Variants in SMAP1 observed in about 807,000 individuals in gnomAD.
The protein encoded by SMAP1 is small ArfGAP 1.
SMAP1 carries 24 observed loss-of-function variants against 58.5 expected under a neutral mutation model. The ratio of observed to expected loss-of-function variants is 0.41; its 90% CI spans 0.30 to 0.58. SMAP1 has a LOEUF of 0.58. Among genes scored for constraint, SMAP1 ranks in the 20% least tolerant of loss-of-function variants. SMAP1 has a pLI of 0.29. For missense variants in SMAP1, 563 were observed against 566.3 expected, an observed-to-expected ratio of 0.99 and a Z score of 0.06; for synonymous variants, 216 against 196.6, an observed-to-expected ratio of 1.10 and a Z score of -0.82.
intron 6 of SMAP1, among the ~76,000 whole-genome samples, chr6:70,811,815 G>C (rs899394647): frequency 6.6e-6 from 1 of 152,098 alleles, no homozygotes; most frequent in African/African-American, 2.4e-5. Context: ...TGGAAATGGA[G>C]GGCCAACTGT....
At chr6:70,791,054 G>A (rs1436740252) in intron 4 of SMAP1, among the ~76,000 whole-genome samples, 1 of 152,134 alleles carries the variant, frequency 6.6e-6, no homozygotes, top group Non-Finnish European at 1.5e-5. Context: ...ATGCTTTGGG[G>A]TAATTCAGCA....
At chr6:70,692,625 T>C (rs1767218921) in intron 1 of SMAP1, among the ~76,000 whole-genome samples, 2 of 152,258 alleles carry the variant, frequency 1.3e-5, no homozygotes, top group Non-Finnish European at 2.9e-5. Context: ...AGTTTTATTC[T>C]TCTGCATATT....
At chr6:70,739,411 T>C (rs1463818207) in intron 2 of SMAP1, among the ~76,000 whole-genome samples, 1 of 152,180 alleles carries the variant, frequency 6.6e-6, no homozygotes, top group Non-Finnish European at 1.5e-5. Flanking sequence ...CACTTTATCT[T>C]TTGTTGCACA....
intron 2 of SMAP1, among the ~76,000 whole-genome samples, chr6:70,740,358 G>A (rs534205861): frequency 2.9e-4 from 44 of 151,498 alleles, no homozygotes; most frequent in South Asian, 1.3e-3. Context: ...TCAGGAGTTC[G>A]AACCAGCCTG....
chr6:70,825,901 T>C (rs1770094299), intron 6 of SMAP1, among the ~76,000 whole-genome samples: 1 of 152,216 alleles, frequency 6.6e-6, no homozygotes, highest in Non-Finnish European at 1.5e-5. Context: ...AACTTCTATT[T>C]TCTAACTCCA....
At chr6:70,704,919 G>A (rs1267020169) in intron 1 of SMAP1, among the ~76,000 whole-genome samples, 2 of 152,102 alleles carry the variant, frequency 1.3e-5, no homozygotes, top group Non-Finnish European at 2.9e-5. Flanking sequence ...GCTGAAAGGG[G>A]CTATTAATTG....
At chr6:70,760,531 T>C (rs1295474070) in intron 3 of SMAP1, among the ~76,000 whole-genome samples, 2 of 152,058 alleles carry the variant, frequency 1.3e-5, no homozygotes, top group Non-Finnish European at 2.9e-5. Flanking sequence ...AACAATACTT[T>C]TTATTCTTTT....
chr6:70,828,011 T>C (rs529389343), intron 6 of SMAP1, among the ~76,000 whole-genome samples: 28 of 152,258 alleles, frequency 1.8e-4, no homozygotes, highest in South Asian at 1.7e-3. Flanking sequence ...AAATAAGATA[T>C]TGGGAATAAA....
intron 1 of SMAP1, among the ~76,000 whole-genome samples, chr6:70,688,865 G>A (rs1016678553): frequency 6.6e-6 from 1 of 151,910 alleles, no homozygotes; most frequent in Non-Finnish European, 1.5e-5. Flanking sequence ...AGATCCTGAA[G>A]ATTTTCTCAT....
At chr6:70,785,418 C>A (rs548607644) in intron 4 of SMAP1, among the ~76,000 whole-genome samples, 2 of 152,114 alleles carry the variant, frequency 1.3e-5, no homozygotes, top group Non-Finnish European at 2.9e-5. Flanking sequence ...CAAACACATT[C>A]AAAAGCTAGC....
At chr6:70,787,016 A>T (rs1582184935) in intron 4 of SMAP1, among the ~76,000 whole-genome samples, 1 of 152,172 alleles carries the variant, frequency 6.6e-6, no homozygotes, top group South Asian at 2.1e-4. Context: ...AAAAGAACAA[A>T]GCTGGAGGCA....
At chr6:70,759,291 A>T (rs1766649413) in intron 3 of SMAP1, among the ~76,000 whole-genome samples, 1 of 151,970 alleles carries the variant, frequency 6.6e-6, no homozygotes, top group South Asian at 2.1e-4. Flanking sequence ...CCCACTCACT[A>T]GGCTGAGTTG....
rs534918709 is a variant in SMAP1 at position 70,711,748 on chromosome 6, G to A, written c.119-20630G>A. Among the ~76,000 whole-genome samples the A allele has an allele frequency of 1.9e-4, 29 of 152,060 alleles. No individual in the cohort carries two copies. The South Asian group carries it at 5.4e-3, about 28-fold the overall frequency. On this transcript the variant is annotated intron_variant, in intron 1 of 10. Transcript: ENST00000370455. ...TCACTATGTTGGCCAGGCTGGTCTC[G>A]AACTCCTGACCTCAGGTGATCCACC... is the stretch of plus-strand genomic sequence containing the variant.
rs141108735 is a variant in SMAP1, at chr6:70,697,850, A to G, written c.118+29709A>G. 8.1e-3 allele frequency among the ~76,000 whole-genome samples: 1,235 copies of G among 152,198 alleles called. 15 individuals carry two copies. The highest frequency in any genetic ancestry group is 0.028 in the African/African-American group (1,180 of 41,526). On this transcript the variant is annotated intron_variant, in intron 1 of 10. Coordinates refer to ENST00000370455, the MANE Select transcript of SMAP1 (RefSeq NM_001044305.3). Reference sequence around the variant, plus strand: ...CACTTCTTAACTTTTGGTTATTTCTATCTTATTGTATTGTGTCTTGAAAAG... The same window carrying G: ...CACTTCTTAACTTTTGGTTATTTCTGTCTTATTGTATTGTGTCTTGAAAAG...
At position 70,798,705 on chromosome 6, in the gene SMAP1, GA is replaced by G; in HGVS notation, c.548del (p.Lys183SerfsTer37). On this transcript the variant is annotated frameshift_variant, in exon 6 of 11. Transcript: ENST00000370455. LOFTEE classifies it high-confidence loss of function. Reference protein sequence around the residue: ...KEEKKREKEPEKPAKPLTAEK... With the variant: ...KEEKKREKEPXKPAKPLTAEK... Reference sequence around the variant, plus strand: ...AGAGAAAAAGAGAGAAAAGGAGCCAGAAAAGCCGGCAAAACCACTTACAGCT... The same window carrying G: ...AGAGAAAAAGAGAGAAAAGGAGCCAGAAAGCCGGCAAAACCACTTACAGCT... The G allele has an allele frequency of 1.9e-6, 3 of 1,560,492 alleles. No homozygotes were observed. Among genetic ancestry groups the G allele is most frequent in the Non-Finnish European group, 8.7e-7 (1 of 1,153,670 alleles).
chr6:70,792,837 G>A (rs72930843), intron 5 of SMAP1, among the ~76,000 whole-genome samples: 1 of 152,064 alleles, frequency 6.6e-6, no homozygotes, highest in Non-Finnish European at 1.5e-5. Flanking sequence ...AGTTTTAAGC[G>A]TTGGGGGGTG....
At chr6:70,699,691 T>C (rs1045352633) in intron 1 of SMAP1, among the ~76,000 whole-genome samples, 1 of 152,092 alleles carries the variant, frequency 6.6e-6, no homozygotes. Context: ...GCCCAAGGCC[T>C]GTGGTGAGTA....
chr6:70,771,161 TG>T (rs1286270558), intron 3 of SMAP1, among the ~76,000 whole-genome samples: 8 of 152,098 alleles, frequency 5.3e-5, no homozygotes, highest in Admixed American at 2.6e-4. Flanking sequence ...CTGCCCCTAC[TG>T]GGGGGTGCCT....
intron 4 of SMAP1, among the ~76,000 whole-genome samples, chr6:70,781,242 A>G (rs1254883187): frequency 6.6e-6 from 1 of 152,180 alleles, no homozygotes; most frequent in East Asian, 1.9e-4. Flanking sequence ...AAGTTAAAAT[A>G]TTAAATATTA....
Sources: allele counts gnomAD v4.1 joint callset (sites outside exome capture counted in the v4.1 genomes callset), GRCh38; gene constraint gnomAD v4.1.1; transcripts MANE v1.5; gene names NCBI Gene and HGNC (gene_info 2026-07-23, HGNC 2026-07-21).